The following GAS7 variants were observed in gnomAD, a reference collection of about 807,000 sequenced individuals.
GAS7 encodes the protein growth arrest specific 7.
Under a neutral mutation model 71.1 loss-of-function variants are expected in GAS7, and 28 were observed. That is an observed-to-expected ratio of 0.39 (90% CI 0.29 to 0.54). GAS7 has a LOEUF of 0.54. Among genes scored for constraint, GAS7 ranks in the 20% least tolerant of loss-of-function variants. The pLI, the probability that GAS7 is intolerant of heterozygous loss-of-function variation, is 0.62. For synonymous variants in GAS7, 258 were observed against 245.8 expected (o/e 1.05, Z -0.46); for missense variants, 436 against 627.8 (o/e 0.69, Z 3.27).
chr17:10,102,046 G>A (rs78645360), intron 1 of GAS7, among the ~76,000 whole-genome samples: 2,060 of 152,158 alleles, frequency 0.014, 36 homozygotes, highest in African/African-American at 0.047. Flanking sequence ...GCTCTGAACA[G>A]TGGGCCTATA....
At chr17:10,048,257 G>A (rs1597747836) in intron 1 of GAS7, among the ~76,000 whole-genome samples, 2 of 152,228 alleles carry the variant, frequency 1.3e-5, no homozygotes, top group East Asian at 1.9e-4. Context: ...AGCGGTGATC[G>A]CGCCATTGCA....
chr17:9,941,958 A>G (rs1192764162), intron 7 of GAS7, among the ~76,000 whole-genome samples: 2 of 152,222 alleles, frequency 1.3e-5, no homozygotes, highest in Admixed American at 6.5e-5. Context: ...ATAATTAAAA[A>G]GGAAATATTT....
chr17:9,987,793 C>T (rs2152138274), intron 2 of GAS7, among the ~76,000 whole-genome samples: 1 of 152,352 alleles, frequency 6.6e-6, no homozygotes, highest in South Asian at 2.1e-4. Context: ...TAAATAGTCA[C>T]TTCCGGGCTT....
intron 9 of GAS7, among the ~76,000 whole-genome samples, chr17:9,932,562 T>C (rs2068247367): frequency 6.6e-6 from 1 of 152,170 alleles, no homozygotes; most frequent in Admixed American, 6.5e-5. Context: ...GTGGATTACT[T>C]CACTGAGAGA....
At chr17:10,151,615 G>A (rs2074167173) in intron 1 of GAS7, among the ~76,000 whole-genome samples, 1 of 152,106 alleles carries the variant, frequency 6.6e-6, no homozygotes, top group South Asian at 2.1e-4. Context: ...CATGATCATG[G>A]CTCACTGCAA....
At chr17:9,953,810 G>A (rs965103606) in intron 5 of GAS7, among the ~76,000 whole-genome samples, 3 of 152,212 alleles carry the variant, frequency 2.0e-5, no homozygotes, top group African/African-American at 4.8e-5. Flanking sequence ...GTTCTACAAG[G>A]GGATGGGGAC....
chr17:10,087,243 C>T (rs1488157110), intron 1 of GAS7, among the ~76,000 whole-genome samples: 1 of 152,204 alleles, frequency 6.6e-6, no homozygotes, highest in Non-Finnish European at 1.5e-5. Context: ...CAGCTACCCC[C>T]ACTTCTGCTA....
intron 1 of GAS7, among the ~76,000 whole-genome samples, chr17:10,184,925 CT>C (rs58498116): frequency 0.56 from 73,517 of 130,632 alleles, 20,390 homozygotes; most frequent in Middle Eastern, 0.68. Flanking sequence ...TATAAAAACT[CT>C]TTTTTTTTTT....
intron 1 of GAS7, among the ~76,000 whole-genome samples, chr17:10,121,347 C>A (rs2073903191): frequency 6.6e-6 from 1 of 152,158 alleles, no homozygotes; most frequent in Non-Finnish European, 1.5e-5. Context: ...GGCCACTGCA[C>A]TCCAGCCTGG....
chr17:9,921,181 G>A (rs1421701109), intron 11 of GAS7, among the ~76,000 whole-genome samples: 1 of 148,746 alleles, frequency 6.7e-6, no homozygotes. Context: ...TTTTGAGACG[G>A]AGTCTGGCTC....
chr17:9,971,889 G>C (rs2069981798), intron 3 of GAS7, among the ~76,000 whole-genome samples: 2 of 152,124 alleles, frequency 1.3e-5, no homozygotes, highest in African/African-American at 4.8e-5. Flanking sequence ...GTTGGGCAAT[G>C]GGATGATGAA....
chr17:10,145,126 A>G (rs1368718054), intron 1 of GAS7, among the ~76,000 whole-genome samples: 4 of 152,222 alleles, frequency 2.6e-5, no homozygotes, highest in Admixed American at 6.5e-5. Flanking sequence ...ACAGCCCCAC[A>G]CTGGCAGACA....
intron 1 of GAS7, among the ~76,000 whole-genome samples, chr17:10,192,618 G>T (rs967351571): frequency 6.6e-6 from 1 of 152,112 alleles, no homozygotes; most frequent in South Asian, 2.1e-4. Flanking sequence ...AGGGATTCCC[G>T]CCGACTTGTT....
chr17:10,192,023 T>C (rs2074506491), intron 1 of GAS7, among the ~76,000 whole-genome samples: 2 of 152,210 alleles, frequency 1.3e-5, no homozygotes, highest in East Asian at 3.9e-4. Context: ...AAACAAATTC[T>C]TAAAGATGGT....
rs1454099472 is a variant in GAS7 at position 10,042,612 on chromosome 17, T to C, written c.184-22715A>G. The stretch of plus-strand genomic sequence containing the variant: ...CATGGGCAAAAAAAAGGAATAAGTA[T>C]CAAAGGAGTCTTCAACAGTGCCAAA... On this transcript the variant is annotated intron_variant, in intron 1 of 13. Coordinates refer to ENST00000432992, the MANE Select transcript of GAS7 (RefSeq NM_201433.2). Among the ~76,000 whole-genome samples, 6 of 152,222 alleles carry C rather than the reference T, an allele frequency of 3.9e-5. No homozygotes were observed. The East Asian group carries it at 1.2e-3, about 29-fold the overall frequency.
At position 9,926,843 on chromosome 17, in the gene GAS7, G is replaced by A. The variant is rs1396830124; in HGVS notation, c.886-74C>T. 6.5e-7 allele frequency: 1 copy of A among 1,538,986 alleles called. No individual in the cohort carries two copies. Among genetic ancestry groups the A allele is most frequent in the Non-Finnish European group, 9.0e-7 (1 of 1,113,514 alleles). ...AAGCCAGTGCAGGGAGGAGGGATGGGAGGGGCACCCCCACTTCCCCAGGCA... is the reference window on the plus strand; with the variant it reads ...AAGCCAGTGCAGGGAGGAGGGATGGAAGGGGCACCCCCACTTCCCCAGGCA... On this transcript the variant is annotated intron_variant, in intron 9 of 13. Transcript: ENST00000432992. The surrounding 1 kb of genome is among the most constrained non-coding windows in gnomAD (Gnocchi z 5.0).
At chr17:10,128,231 T>A (rs1171300629) in intron 1 of GAS7, among the ~76,000 whole-genome samples, 3 of 152,230 alleles carry the variant, frequency 2.0e-5, no homozygotes, top group Non-Finnish European at 1.5e-5. Context: ...CACTCTGCGG[T>A]GCAGACTTCG....
At chr17:10,109,429 A>C in intron 1 of GAS7, among the ~76,000 whole-genome samples, 1 of 152,274 alleles carries the variant, frequency 6.6e-6, no homozygotes, top group Non-Finnish European at 1.5e-5. Context: ...ATATCATTAA[A>C]AAGATAAAAA....
intron 1 of GAS7, among the ~76,000 whole-genome samples, chr17:10,169,903 C>G (rs113178204): frequency 2.6e-5 from 4 of 152,168 alleles, no homozygotes; most frequent in Non-Finnish European, 4.4e-5. Flanking sequence ...CCCAAACCTG[C>G]TGCTTCCGTT....
Sources: gnomAD v4.1 joint callset for allele counts (sites outside exome capture counted in the v4.1 genomes callset) on GRCh38, gnomAD v4.1.1 for gene constraint, Gnocchi (gnomAD v3.1) non-coding constraint, MANE v1.5 for transcripts, NCBI Gene and HGNC (gene_info 2026-07-23, HGNC 2026-07-21) for gene names.